Variants in GRID2 observed in about 807,000 individuals in gnomAD.
GRID2 encodes glutamate receptor ionotropic, delta-2.
GRID2 carries 33 observed loss-of-function variants against 114.8 expected under a neutral mutation model. The ratio of observed to expected loss-of-function variants is 0.29; its 90% confidence interval spans 0.22 to 0.38. The LOEUF (loss-of-function observed/expected upper bound fraction) is 0.38. Among genes scored for constraint, GRID2 ranks in the 10% least tolerant of loss-of-function variants. The pLI is 1.00. For synonymous variants in GRID2, 505 were observed against 449.9 expected (o/e 1.12, Z -1.55); for missense variants, 1,184 against 1,257.7 (o/e 0.94, Z 0.89).
At chr4:92,333,421 C>A (rs1042334719) in intron 1 of GRID2, among the ~76,000 whole-genome samples, 1 of 152,176 alleles carries the variant, frequency 6.6e-6, no homozygotes, top group Non-Finnish European at 1.5e-5. Context: ...CCTCTAAGAT[C>A]TCAGAAATGC....
chr4:93,562,293 T>TATA (rs576022266), intron 13 of GRID2, among the ~76,000 whole-genome samples: 2 of 151,914 alleles, frequency 1.3e-5, no homozygotes, highest in Admixed American at 1.3e-4. Flanking sequence ...TGGAGCATCA[T>TATA]ATAATAATAA....
intron 10 of GRID2, among the ~76,000 whole-genome samples, chr4:93,433,070 A>G (rs1239832701): frequency 6.6e-6 from 1 of 152,198 alleles, no homozygotes; most frequent in Admixed American, 6.5e-5. Flanking sequence ...ATCCGTCTCC[A>G]ATAATGATTG....
intron 2 of GRID2, among the ~76,000 whole-genome samples, chr4:93,017,184 A>C (rs1722830305): frequency 1.3e-5 from 2 of 152,192 alleles, no homozygotes; most frequent in African/African-American, 4.8e-5. Context: ...GGGCAAAACC[A>C]AGAATAGGAA....
intron 3 of GRID2, among the ~76,000 whole-genome samples, chr4:93,097,773 T>G (rs1731347948): frequency 6.6e-6 from 1 of 151,934 alleles, no homozygotes; most frequent in South Asian, 2.1e-4. Flanking sequence ...TTTTCATTTT[T>G]AGACATTGGA....
intron 2 of GRID2, among the ~76,000 whole-genome samples, chr4:92,965,745 A>T (rs958121420): frequency 6.6e-6 from 1 of 151,872 alleles, no homozygotes; most frequent in African/African-American, 2.4e-5. Flanking sequence ...ATGACAGAAG[A>T]GCATATTTTC....
intron 4 of GRID2, among the ~76,000 whole-genome samples, chr4:93,172,063 G>T (rs952745596): frequency 6.6e-6 from 1 of 152,068 alleles, no homozygotes; most frequent in Non-Finnish European, 1.5e-5. Context: ...GGGCAAATTG[G>T]GCCATGATAT....
intron 3 of GRID2, among the ~76,000 whole-genome samples, chr4:93,088,219 G>T (rs1434211496): frequency 1.3e-5 from 2 of 151,958 alleles, no homozygotes; most frequent in Admixed American, 1.3e-4. Flanking sequence ...TTGCTTCTAA[G>T]TCAACAGATG....
chr4:93,672,791 T>A (rs1025086902), intron 14 of GRID2, among the ~76,000 whole-genome samples: 2 of 152,220 alleles, frequency 1.3e-5, no homozygotes, highest in African/African-American at 4.8e-5. Flanking sequence ...ACCAGGACAG[T>A]GTTGCCTGAT....
At chr4:93,401,213 G>A (rs998371950) in intron 9 of GRID2, among the ~76,000 whole-genome samples, 3 of 138,636 alleles carry the variant, frequency 2.2e-5, no homozygotes, top group Admixed American at 1.4e-4. Flanking sequence ...ACACAATAGA[G>A]CATTTTTTTG....
chr4:92,788,376 T>C (rs1357392812), intron 2 of GRID2, among the ~76,000 whole-genome samples: 1 of 151,880 alleles, frequency 6.6e-6, no homozygotes, highest in African/African-American at 2.4e-5. Context: ...GTGGTTTTGA[T>C]AGAGAATTGA....
chr4:92,658,751 T>C (rs185889585), intron 2 of GRID2, among the ~76,000 whole-genome samples: 4 of 150,498 alleles, frequency 2.7e-5, no homozygotes, highest in South Asian at 2.1e-4. Context: ...ATGCTTAATT[T>C]TGAACTACAA....
At chr4:92,828,319 C>A (rs150523959) in intron 2 of GRID2, among the ~76,000 whole-genome samples, 16 of 152,128 alleles carry the variant, frequency 1.1e-4, no homozygotes, top group Non-Finnish European at 7.4e-5. Flanking sequence ...AATAGATTTG[C>A]ACTTGATAGA....
chr4:92,395,203 A>C (rs1333925286), intron 1 of GRID2, among the ~76,000 whole-genome samples: 1 of 151,630 alleles, frequency 6.6e-6, no homozygotes, highest in Non-Finnish European at 1.5e-5. Flanking sequence ...TAATGGGGAT[A>C]TTTTTACAAT....
chr4:93,545,373 G>A (rs960114338), intron 13 of GRID2, among the ~76,000 whole-genome samples: 13 of 152,154 alleles, frequency 8.5e-5, no homozygotes, highest in Non-Finnish European at 1.5e-4. Context: ...GTAGCTATGG[G>A]AAGAGCTGGG....
At chr4:92,380,353 T>C (rs1729560053) in intron 1 of GRID2, among the ~76,000 whole-genome samples, 4 of 151,980 alleles carry the variant, frequency 2.6e-5, no homozygotes, top group Admixed American at 2.0e-4. Context: ...CATTGCTTAC[T>C]AGCTCTTCAA....
intron 1 of GRID2, among the ~76,000 whole-genome samples, chr4:92,499,217 C>T (rs1197174074): frequency 6.6e-6 from 1 of 151,504 alleles, no homozygotes; most frequent in Non-Finnish European, 1.5e-5. Context: ...TGTTCCTTTC[C>T]TTATATTAAT....
chr4:92,556,212 C>T (rs965916011), intron 1 of GRID2, among the ~76,000 whole-genome samples: 21 of 152,050 alleles, frequency 1.4e-4, no homozygotes, highest in African/African-American at 5.1e-4. Flanking sequence ...AAAAAGTTCC[C>T]TATAGAAGCT....
chr4:92,394,293 T>C (rs1460750662), intron 1 of GRID2, among the ~76,000 whole-genome samples: 1 of 152,150 alleles, frequency 6.6e-6, no homozygotes. Flanking sequence ...GCCAAAAAGC[T>C]AAGAAATAAT....
At chr4:92,400,623 G>A (rs985652837) in intron 1 of GRID2, among the ~76,000 whole-genome samples, 5 of 151,972 alleles carry the variant, frequency 3.3e-5, no homozygotes, top group African/African-American at 1.2e-4. Flanking sequence ...CCTTACACCT[G>A]GGAGTGAAAT....
Sources: allele counts gnomAD v4.1 joint callset (sites outside exome capture counted in the v4.1 genomes callset), GRCh38; gene constraint gnomAD v4.1.1; transcripts MANE v1.5; gene names NCBI Gene and HGNC (gene_info 2026-07-23, HGNC 2026-07-21).